TSC22D2: variants seen among roughly 807,000 people sequenced by gnomAD.
The protein encoded by TSC22D2 is TSC22 domain family member 2.
A neutral mutation model predicts 50.1 loss-of-function variants in TSC22D2; 5 were observed. That is an observed-to-expected ratio of 0.10 (90% CI 0.05 to 0.21). TSC22D2 has a LOEUF of 0.21. Among genes scored for constraint, TSC22D2 ranks in the 10% least tolerant of loss-of-function variants. The pLI, the probability that TSC22D2 is intolerant of heterozygous loss-of-function variation, is 1.00. For synonymous variants in TSC22D2, 501 were observed against 450.1 expected, an observed-to-expected ratio of 1.11 and a Z score of -1.43; for missense variants, 1,003 against 1,015.5, an observed-to-expected ratio of 0.99 and a Z score of 0.17.
At position 150,411,073 on chromosome 3, in the gene TSC22D2, T is replaced by G; in HGVS notation, c.1723T>G (p.Ser575Ala). 6.2e-7 allele frequency: 1 copy of G among 1,614,196 alleles called. No homozygotes were observed. Among genetic ancestry groups the G allele is most frequent in the Non-Finnish European group, 8.5e-7 (1 of 1,180,032 alleles). Residue 575 changes from serine to alanine, a missense_variant, in exon 1 of 3, where the codon TCT (serine) becomes GCT (alanine). Physicochemically the swap from Ser to Ala is moderately conservative, Grantham distance 99 (BLOSUM62 1). This residue lies in a region of TSC22D2 where 696 missense variants were observed against 647.8 expected (regional missense o/e 1.07). Transcript: ENST00000688009. Reference sequence around the variant, plus strand: ...CAGCGCACCAACAAGTCTACCACAGTCTGACCTAAGCCAGTTTCAAACTCA... The same window carrying G: ...CAGCGCACCAACAAGTCTACCACAGGCTGACCTAAGCCAGTTTCAAACTCA... Reference protein sequence around the residue: ...THSAPTSLPQSDLSQFQTQTQ... With the variant: ...THSAPTSLPQADLSQFQTQTQ...
At chr3:150,420,213 C>A (rs1197652020) in intron 1 of TSC22D2, among the ~76,000 whole-genome samples, 1 of 152,176 alleles carries the variant, frequency 6.6e-6, no homozygotes, top group Non-Finnish European at 1.5e-5. Flanking sequence ...TTCCCTTCTA[C>A]TTCCTTGATC....
Position 150,410,221 on chromosome 3 carries a change from C to A in TSC22D2, c.871C>A (p.Pro291Thr). The A allele has an allele frequency of 6.4e-7, 1 of 1,574,730 alleles. No homozygotes were observed. Among genetic ancestry groups the A allele is most frequent in the Admixed American group, 1.9e-5 (1 of 53,560 alleles). ...TGGGGCTGTGGCTCAAAGCTCGGCT[C>A]CGCTGCCGCCGTTCCCGGGAGCCGC... ...VGGAVAQSSA[P>T]LPPFPGAATG... is the part of the protein sequence containing the mutation. The change falls in exon 1 of 3, where the codon CCG becomes ACG. Residue 291 changes from proline to threonine, a missense_variant. Coordinates refer to ENST00000688009, the MANE Select transcript of TSC22D2 (RefSeq NM_001303264.2).
chr3:150,433,325 C>T (rs941618652), intron 1 of TSC22D2, among the ~76,000 whole-genome samples: 49 of 152,146 alleles, frequency 3.2e-4, no homozygotes, highest in Non-Finnish European at 2.9e-4. Context: ...CTGTCAGTGT[C>T]CCCAGCTGTT....
At chr3:150,450,747 T>C (rs1304071335) in intron 1 of TSC22D2, among the ~76,000 whole-genome samples, 3 of 152,168 alleles carry the variant, frequency 2.0e-5, no homozygotes, top group African/African-American at 7.2e-5. Context: ...ATATTTAACC[T>C]CACAAGTTTA....
chr3:150,412,929 T>A (rs1286583531), intron 1 of TSC22D2, among the ~76,000 whole-genome samples: 1 of 152,222 alleles, frequency 6.6e-6, no homozygotes, highest in Non-Finnish European at 1.5e-5. Flanking sequence ...TGCTTTCCTC[T>A]GTTCCTGTAT....
At chr3:150,411,749 G>GA (rs34599726) in intron 1 of TSC22D2, among the ~76,000 whole-genome samples, 30,355 of 149,792 alleles carry the variant, frequency 0.2, 3,484 homozygotes, top group African/African-American at 0.29. Flanking sequence ...GTCCTCTAGT[G>GA]AAAAAAAAAA....
chr3:150,452,824 G>A (rs1257325649), intron 1 of TSC22D2, among the ~76,000 whole-genome samples: 1 of 152,018 alleles, frequency 6.6e-6, no homozygotes, highest in Non-Finnish European at 1.5e-5. Context: ...CTATATTTCT[G>A]TTCATTCTCT....
intron 1 of TSC22D2, chr3:150,422,990 A>G: frequency 2.4e-6 from 3 of 1,230,992 alleles, no homozygotes; most frequent in Non-Finnish European, 2.3e-6. Flanking sequence ...TCTTTTGAAA[A>G]GTAGTGATTA....
chr3:150,445,033 A>G (rs1178641606), intron 1 of TSC22D2, among the ~76,000 whole-genome samples: 1 of 152,122 alleles, frequency 6.6e-6, no homozygotes, highest in Admixed American at 6.6e-5. Context: ...ATATTTTTAA[A>G]TACTCTTTTT....
Position 150,457,079 on chromosome 3 carries a change from A to G in TSC22D2, c.1962A>G (p.Ala654=), listed in dbSNP as rs1415783012. 3.7e-6 allele frequency: 6 copies of G among 1,612,296 alleles called. No homozygotes were observed. The highest frequency in any genetic ancestry group is 5.1e-6 in the Non-Finnish European group (6 of 1,179,528). The change falls in exon 2 of 3, where the codon GCA becomes GCG. Residue 654 remains alanine, a synonymous_variant. Coordinates refer to ENST00000688009, the MANE Select transcript of TSC22D2 (RefSeq NM_001303264.2). ...AACATATTCTAATTTTTTCCAGTGC[A>G]TCTGGGGGAGGTGTTGTAGCCATTG... ...AIPVDGDEDS[A]SGGGVVAIDN...
chr3:150,456,183 T>G (rs927219252), intron 1 of TSC22D2, among the ~76,000 whole-genome samples: 3 of 29,910 alleles, frequency 1.0e-4, no homozygotes, highest in Admixed American at 4.7e-4. Flanking sequence ...TCTTTTTGTT[T>G]TTTTTTTTTT....
chr3:150,465,353 A>C lies in TSC22D2; in HGVS notation c.*6717A>C, dbSNP rs1721518874. ...TCTCAGCAAAATAAGGGAAGTGCACATTAAAACACAAGAAACCATCTCAGA... is the reference window on the plus strand; with the variant it reads ...TCTCAGCAAAATAAGGGAAGTGCACCTTAAAACACAAGAAACCATCTCAGA... On this transcript the variant is annotated 3_prime_UTR_variant, in exon 3 of 3. Transcript: ENST00000688009. 6.6e-6 allele frequency: 1 copy of C among 152,214 alleles called. No homozygotes were observed. The allele number at this position is 152,214 out of a possible 1,614,324, so 9.4% of individuals were successfully genotyped here.
rs777981547 is a variant in TSC22D2 at position 150,463,212 on chromosome 3, T to C, written c.*4576T>C. 6 of 152,228 alleles carry C rather than the reference T, an allele frequency of 3.9e-5. No homozygotes were observed. The highest frequency in any genetic ancestry group is 7.3e-5 in the Non-Finnish European group (5 of 68,050). 9.4% of individuals were successfully genotyped at this position (152,228 alleles called of 1,614,324 possible). ...GATTCCAAAGCCTTTCCCTAAAATCTATTCCTTGCTCCCTGGAAAGGATAA... is the reference window on the plus strand; with the variant it reads ...GATTCCAAAGCCTTTCCCTAAAATCCATTCCTTGCTCCCTGGAAAGGATAA... On this transcript the variant is annotated 3_prime_UTR_variant, in exon 3 of 3. Transcript: ENST00000688009.
In TSC22D2 at chr3:150,465,862, C is replaced by T. The variant is rs1721527603; in HGVS notation, c.*7226C>T. ...CTCATTATATACCCATTTTATAATG[C>T]CCATTAGTCATTTCTATTATCAGAT... On this transcript the variant is annotated 3_prime_UTR_variant, in exon 3 of 3. Coordinates refer to ENST00000688009, the MANE Select transcript of TSC22D2 (RefSeq NM_001303264.2). 1 of 151,996 alleles carries T rather than the reference C, an allele frequency of 6.6e-6. No individual in the cohort carries two copies. Among genetic ancestry groups the T allele is most frequent in the Admixed American group, 6.6e-5 (1 of 15,260 alleles). The allele number at this position is 151,996 out of a possible 1,614,324, so 9.4% of individuals were successfully genotyped here. A position where few individuals can be genotyped will look rare whatever the true frequency, so the allele number is the denominator to read the frequency against.
At position 150,461,611 on chromosome 3, in the gene TSC22D2, A is replaced by AAAT. The variant is rs1010460751; in HGVS notation, c.*2977_*2979dup. On this transcript the variant is annotated 3_prime_UTR_variant, in exon 3 of 3. Coordinates refer to ENST00000688009, the MANE Select transcript of TSC22D2 (RefSeq NM_001303264.2). ...TCTCACAGCTTGCCACACCAAAAAC[A>AAAT]AATAGTAGGGGTTAGGAGGCATTAA... 6 of 152,236 alleles carry AAAT rather than the reference A, an allele frequency of 3.9e-5. No individual in the cohort carries two copies. Among genetic ancestry groups the AAAT allele is most frequent in the African/African-American group, 1.4e-4 (6 of 41,464 alleles). The allele number at this position is 152,236 out of a possible 1,614,324, so 9.4% of individuals were successfully genotyped here.
At chr3:150,456,046 C>T (rs1334608943) in intron 1 of TSC22D2, among the ~76,000 whole-genome samples, 3 of 152,118 alleles carry the variant, frequency 2.0e-5, no homozygotes, top group Non-Finnish European at 4.4e-5. Context: ...TTGGAATGTG[C>T]TTACAGGCTG....
chr3:150,410,605 G>C lies in TSC22D2; in HGVS notation c.1255G>C (p.Ala419Pro). Residue 419 changes from alanine (A) to proline (P), a missense_variant, in exon 1 of 3, where the codon GCT (alanine) becomes CCT (proline). Around this residue, in one of 6 missense-constraint regions of TSC22D2, gnomAD observed 696 missense variants for 647.8 expected, o/e 1.07. Transcript: ENST00000688009. ...CCTTCCCGTGGGCACCGGCCAGAAT[G>C]CTTCCTCGGTGGGCGCGCAGCTCAT... ...ATLPVGTGQN[A>P]SSVGAQLMGA... The C allele has an allele frequency of 6.4e-7, 1 of 1,559,434 alleles. No homozygotes were observed. The highest frequency in any genetic ancestry group is 1.2e-5 in the South Asian group (1 of 85,394).
intron 1 of TSC22D2, chr3:150,422,949 C>A (rs76533897): frequency 1.3e-6 from 1 of 783,288 alleles, no homozygotes; most frequent in Non-Finnish European, 2.0e-6. Context: ...TTAAAAGTTA[C>A]ACTGTATTAG....
chr3:150,434,940 G>A (rs998711818), intron 1 of TSC22D2, among the ~76,000 whole-genome samples: 4 of 151,980 alleles, frequency 2.6e-5, no homozygotes, highest in African/African-American at 9.7e-5. Context: ...GAAGTTTCTT[G>A]TCATTGTGTG....
Sources: allele counts gnomAD v4.1 joint callset (sites outside exome capture counted in the v4.1 genomes callset), GRCh38; gene constraint gnomAD v4.1.1; regional missense constraint gnomAD v4.1.1; transcripts MANE v1.5; gene names NCBI Gene and HGNC (gene_info 2026-07-23, HGNC 2026-07-21).